Variants in MARCHF8 observed in about 807,000 individuals in gnomAD.
The protein encoded by MARCHF8 is membrane associated ring-CH-type finger 8, also known as E3 ubiquitin-protein ligase MARCHF8.
MARCHF8 carries 40 observed loss-of-function variants against 51.6 expected under a neutral mutation model. That is an observed-to-expected ratio of 0.77 (90% CI 0.60 to 1.01). The LOEUF (loss-of-function observed/expected upper bound fraction) is 1.01, where lower values mean the gene tolerates loss of function less well. MARCHF8 is among the 50% of genes least tolerant of loss of function. MARCHF8 has a pLI of 0.00. For synonymous variants in MARCHF8, 263 were observed against 280.3 expected (o/e 0.94, Z 0.62); for missense variants, 685 against 708.6 (o/e 0.97, Z 0.38).
At chr10:45,584,145 A>C (rs1189773693) in intron 1 of MARCHF8, among the ~76,000 whole-genome samples, 1 of 130,208 alleles carries the variant, frequency 7.7e-6, no homozygotes, top group South Asian at 2.4e-4. Context: ...ATATATATAT[A>C]TATATATATA....
intron 1 of MARCHF8, among the ~76,000 whole-genome samples, chr10:45,585,669 T>C (rs987852372): frequency 6.6e-6 from 1 of 152,210 alleles, no homozygotes; most frequent in African/African-American, 2.4e-5. Flanking sequence ...AAAAGTAATG[T>C]AGATTGTTCC....
At chr10:45,493,676 G>C (rs951273284) in intron 2 of MARCHF8, among the ~76,000 whole-genome samples, 4 of 152,160 alleles carry the variant, frequency 2.6e-5, no homozygotes, top group Non-Finnish European at 5.9e-5. Flanking sequence ...TTTCCAAAAA[G>C]CTCCCAGGTG....
intron 1 of MARCHF8, among the ~76,000 whole-genome samples, chr10:45,551,936 T>TA (rs2044200126): frequency 6.6e-6 from 1 of 152,142 alleles, no homozygotes; most frequent in African/African-American, 2.4e-5. Context: ...ATAGTTTAGA[T>TA]CATTCCTTGC....
intron 2 of MARCHF8, among the ~76,000 whole-genome samples, chr10:45,493,140 T>C (rs754768856): frequency 2.0e-5 from 3 of 152,178 alleles, no homozygotes; most frequent in Non-Finnish European, 4.4e-5. Context: ...ACATAAAGTA[T>C]ATCAAGGTGG....
At chr10:45,565,874 T>C (rs188304010) in intron 1 of MARCHF8, among the ~76,000 whole-genome samples, 8 of 152,356 alleles carry the variant, frequency 5.3e-5, no homozygotes, top group African/African-American at 1.4e-4. Flanking sequence ...TTATATGTGT[T>C]TTTGTTTAAA....
chr10:45,525,098 T>C (rs2043769401), intron 2 of MARCHF8, among the ~76,000 whole-genome samples: 1 of 152,230 alleles, frequency 6.6e-6, no homozygotes, highest in South Asian at 2.1e-4. Context: ...TCTAAAGATA[T>C]TGTTATCACT....
intron 1 of MARCHF8, among the ~76,000 whole-genome samples, chr10:45,569,697 A>G (rs1024459841): frequency 1.3e-5 from 2 of 152,204 alleles, no homozygotes; most frequent in African/African-American, 2.4e-5. Context: ...TACTCTGTAC[A>G]TGTCTATGAA....
chr10:45,464,393 G>C, intron 3 of MARCHF8, 66 bp from the exon 4 acceptor site: 1 of 1,325,374 alleles, frequency 7.5e-7, no homozygotes, highest in South Asian at 1.2e-5. Context: ...ACTGTCTCCT[G>C]AATGGTGACA....
chr10:45,547,801 G>A (rs1564512384), intron 1 of MARCHF8, among the ~76,000 whole-genome samples: 1 of 151,958 alleles, frequency 6.6e-6, no homozygotes, highest in East Asian at 1.9e-4. Flanking sequence ...TGTCTTTTTT[G>A]TCTATAGAGG....
chr10:45,547,928 G>T (rs1049068439), intron 1 of MARCHF8, among the ~76,000 whole-genome samples: 1 of 152,132 alleles, frequency 6.6e-6, no homozygotes, highest in African/African-American at 2.4e-5. Context: ...TAGTTAGGTC[G>T]AATTCATGGC....
intron 6 of MARCHF8, 38 bp downstream of exon 6, chr10:45,461,193 G>A: frequency 7.1e-7 from 1 of 1,415,990 alleles, no homozygotes; most frequent in Non-Finnish European, 9.3e-7. Flanking sequence ...GGGGTCACTG[G>A]TTTCAGGAAG....
At chr10:45,539,913 CA>C (rs1206084918), upstream of MARCHF8, among the ~76,000 whole-genome samples, 1 of 152,170 alleles carries the variant, frequency 6.6e-6, no homozygotes, top group Non-Finnish European at 1.5e-5. Flanking sequence ...CAATAACAGA[CA>C]GAGAGCCAAA....
rs796071865 is a variant in MARCHF8 at position 45,555,759 on chromosome 10, G to A, written c.-78-22470C>T. 5.4e-3 allele frequency among the ~76,000 whole-genome samples: 752 copies of A among 139,792 alleles called. 7 individuals carry two copies. The highest frequency in any genetic ancestry group is 0.018 in the African/African-American group (677 of 38,336). 91.7% of individuals were successfully genotyped at this position (139,792 alleles called of 152,430 possible). A position where few individuals can be genotyped will look rare whatever the true frequency, so the allele number is the denominator to read the frequency against. On this transcript the variant is annotated intron_variant, in intron 1 of 6. Coordinates refer to the MARCHF8 transcript ENST00000319836. ...ACCCTGTCTCAAAAAAAAAAAAAAAGAAAAAGAAAAAGAAAAGAGTATGTG... is the reference window on the plus strand; with the variant it reads ...ACCCTGTCTCAAAAAAAAAAAAAAAAAAAAAGAAAAAGAAAAGAGTATGTG...
Position 45,464,236 on chromosome 10 carries a change from T to C in MARCHF8, c.242+3A>G, listed in dbSNP as rs371440738. The C allele has an allele frequency of 6.2e-7, 1 of 1,613,326 alleles. No homozygotes were observed. The highest frequency in any genetic ancestry group is 1.3e-5 in the African/African-American group (1 of 75,000). On this transcript the variant is annotated splice_donor_region_variant and intron_variant, in intron 4 of 7. Transcript: ENST00000453424. Reference sequence around the variant, plus strand: ...CATGGCAGCATCTGAAGCAGAGTGTTACCTGCAGATGTCCTGGCTGGATGG... The same window carrying C: ...CATGGCAGCATCTGAAGCAGAGTGTCACCTGCAGATGTCCTGGCTGGATGG...
chr10:45,457,446 G>A lies in MARCHF8; in HGVS notation c.*793C>T, dbSNP rs1842637784. ...TCTGTGATTAAAAAAAAAGCCTCTG[G>A]CCTGCTTGTCCTGTCTTAAAAGTCA... On this transcript the variant is annotated 3_prime_UTR_variant, in exon 8 of 8. Transcript: ENST00000453424. The A allele has an allele frequency of 6.6e-6, 1 of 152,390 alleles. No individual in the cohort carries two copies. The highest frequency in any genetic ancestry group is 6.5e-5 in the Admixed American group (1 of 15,280). 9.4% of individuals were successfully genotyped at this position (152,390 alleles called of 1,614,324 possible).
chr10:45,559,132 A>G (rs1396145339), intron 1 of MARCHF8, among the ~76,000 whole-genome samples: 2 of 152,234 alleles, frequency 1.3e-5, no homozygotes, highest in Admixed American at 1.3e-4. Context: ...GGAAATTAGA[A>G]GTTGGTAAAC....
chr10:45,560,727 T>C (rs1444967272), intron 1 of MARCHF8, among the ~76,000 whole-genome samples: 1 of 152,146 alleles, frequency 6.6e-6, no homozygotes, highest in East Asian at 1.9e-4. Flanking sequence ...TCTGTCCTCG[T>C]GGGAAGAGTG....
intron 3 of MARCHF8, among the ~76,000 whole-genome samples, chr10:45,474,504 C>T (rs1411312449): frequency 6.6e-6 from 1 of 151,960 alleles, no homozygotes; most frequent in Non-Finnish European, 1.5e-5. Flanking sequence ...TGTCAGAGCT[C>T]TATCTCACAA....
chr10:45,563,234 C>T (rs1337012880), intron 1 of MARCHF8, among the ~76,000 whole-genome samples: 1 of 152,060 alleles, frequency 6.6e-6, no homozygotes, highest in East Asian at 1.9e-4. Flanking sequence ...ACTTTGTTGT[C>T]CAGGCTGGTC....
Sources: allele counts gnomAD v4.1 joint callset (sites outside exome capture counted in the v4.1 genomes callset), GRCh38; gene constraint gnomAD v4.1.1; transcripts MANE v1.5; gene names NCBI Gene and HGNC (gene_info 2026-07-23, HGNC 2026-07-21).